The following SHISA9 variants were observed in gnomAD, a reference collection of about 807,000 sequenced individuals.
SHISA9 encodes shisa family member 9.
SHISA9 carries 13 observed loss-of-function variants against 38.0 expected under a neutral mutation model. That is an observed-to-expected ratio of 0.34 (90% CI 0.22 to 0.54). The LOEUF (loss-of-function observed/expected upper bound fraction) is 0.54. Ranked by LOEUF, SHISA9 falls within the 20% of genes least tolerant of loss-of-function variation. The pLI, the probability that SHISA9 is intolerant of heterozygous loss-of-function variation, is 0.91. For synonymous variants in SHISA9, 275 were observed against 242.0 expected, an observed-to-expected ratio of 1.14 and a Z score of -1.27; for missense variants, 538 against 575.8, an observed-to-expected ratio of 0.93 and a Z score of 0.67.
intron 4 of SHISA9, among the ~76,000 whole-genome samples, chr16:13,220,904 C>G (rs2051217576): frequency 6.6e-6 from 1 of 152,110 alleles, no homozygotes; most frequent in African/African-American, 2.4e-5. Flanking sequence ...GCAGCCACAA[C>G]AAAGGGGGCC....
At chr16:13,146,311 AG>A (rs1423846423) in intron 2 of SHISA9, among the ~76,000 whole-genome samples, 1 of 152,248 alleles carries the variant, frequency 6.6e-6, no homozygotes, top group Non-Finnish European at 1.5e-5. Context: ...GGATATGAAA[AG>A]GGCATAATCC....
chr16:13,282,333 T>C, the SHISA9 span, among the ~76,000 whole-genome samples: 1 of 152,058 alleles, frequency 6.6e-6, no homozygotes, highest in Admixed American at 6.6e-5. Context: ...TGTTATTGTT[T>C]CTGGCCTCCC....
the SHISA9 span, among the ~76,000 whole-genome samples, chr16:13,378,396 C>G: frequency 6.6e-6 from 1 of 152,178 alleles, no homozygotes; most frequent in South Asian, 2.1e-4. Flanking sequence ...CCTGGCATTA[C>G]TAGAGTGCCT....
At chr16:13,055,635 G>C (rs989630318) in intron 2 of SHISA9, among the ~76,000 whole-genome samples, 12 of 152,206 alleles carry the variant, frequency 7.9e-5, no homozygotes, top group Non-Finnish European at 1.6e-4. Flanking sequence ...TGAATTACAA[G>C]AGCTGAGCAG....
the SHISA9 span, among the ~76,000 whole-genome samples, chr16:13,293,206 C>T: frequency 6.6e-6 from 1 of 152,076 alleles, no homozygotes; most frequent in Non-Finnish European, 1.5e-5. Flanking sequence ...TGTTTTGAAA[C>T]AATTTATTTG....
chr16:12,966,242 C>T (rs1175199226), intron 2 of SHISA9, among the ~76,000 whole-genome samples: 3 of 152,194 alleles, frequency 2.0e-5, no homozygotes, highest in Non-Finnish European at 2.9e-5. Flanking sequence ...TGATTTTGCT[C>T]ACCTAGGGGA....
At chr16:13,168,930 G>A (rs1447988466) in intron 2 of SHISA9, among the ~76,000 whole-genome samples, 2 of 152,180 alleles carry the variant, frequency 1.3e-5, no homozygotes, top group South Asian at 2.1e-4. Context: ...CATCGTGCCT[G>A]GCAGGAACAC....
intron 2 of SHISA9, among the ~76,000 whole-genome samples, chr16:13,019,829 TTTC>T (rs1465592392): frequency 3.2e-5 from 4 of 126,938 alleles, no homozygotes; most frequent in African/African-American, 1.2e-4. Context: ...TCTTTCTTTC[TTTC>T]TTTTTCCTTC....
chr16:13,065,896 G>A (rs537790943), intron 2 of SHISA9, among the ~76,000 whole-genome samples: 5 of 152,312 alleles, frequency 3.3e-5, no homozygotes, highest in African/African-American at 9.6e-5. Flanking sequence ...TCTTGTATAC[G>A]CATGGTGTAT....
chr16:13,485,532 T>C, the SHISA9 span, among the ~76,000 whole-genome samples: 1 of 152,196 alleles, frequency 6.6e-6, no homozygotes, highest in African/African-American at 2.4e-5. Context: ...AGGGTACTTG[T>C]GATATATTTT....
intron 1 of SHISA9, 178 bp downstream of exon 1, chr16:12,902,805 G>C (rs2071037480): frequency 1.6e-6 from 1 of 644,668 alleles, no homozygotes; most frequent in East Asian, 2.7e-5. Flanking sequence ...GGGGCGCTGG[G>C]CTCAGCACAG....
chr16:12,908,339 G>C, intron 1 of SHISA9: 2 of 1,341,290 alleles, frequency 1.5e-6, no homozygotes, highest in Non-Finnish European at 2.0e-6. Context: ...ATAGGAGGGA[G>C]GGTCTATATG....
the SHISA9 span, among the ~76,000 whole-genome samples, chr16:13,310,775 C>T: frequency 0.014 from 2,061 of 151,416 alleles, 48 homozygotes; most frequent in African/African-American, 0.047. Context: ...CCTCGGCCTC[C>T]CAGGTCCAAG....
At chr16:13,489,942 G>C in the SHISA9 span, among the ~76,000 whole-genome samples, 6 of 152,298 alleles carry the variant, frequency 3.9e-5, no homozygotes, top group Admixed American at 3.3e-4. Flanking sequence ...CATTGCCTGT[G>C]TTGACACTGC....
chr16:13,361,214 CTTTTAT>C, the SHISA9 span, among the ~76,000 whole-genome samples: 11 of 152,108 alleles, frequency 7.2e-5, no homozygotes, highest in Non-Finnish European at 1.6e-4. Flanking sequence ...CTTTCTCTTC[CTTTTAT>C]TTTTAGGGGA....
intron 2 of SHISA9, among the ~76,000 whole-genome samples, chr16:13,054,469 G>A (rs1188131342): frequency 6.6e-6 from 1 of 152,214 alleles, no homozygotes; most frequent in African/African-American, 2.4e-5. Context: ...TAGGAACCAA[G>A]AAGTCTTGAA....
the SHISA9 span, among the ~76,000 whole-genome samples, chr16:13,397,294 G>A: frequency 6.6e-6 from 1 of 152,180 alleles, no homozygotes; most frequent in Non-Finnish European, 1.5e-5. Flanking sequence ...TTGGTGCCCT[G>A]CTGCTGAAAC....
chr16:13,562,682 T>C, the SHISA9 span: 1 of 148,772 alleles, frequency 6.7e-6, no homozygotes, highest in Non-Finnish European at 1.5e-5. Flanking sequence ...CCAATTCAAC[T>C]ACGTGTCTTA....
At chr16:13,088,971 T>C (rs1033557777) in intron 2 of SHISA9, among the ~76,000 whole-genome samples, 1 of 152,200 alleles carries the variant, frequency 6.6e-6, no homozygotes, top group African/African-American at 2.4e-5. Flanking sequence ...TCTTATTATT[T>C]TGAGATACGT....
Sources: gnomAD v4.1 joint callset for allele counts (sites outside exome capture counted in the v4.1 genomes callset) on GRCh38, gnomAD v4.1.1 for gene constraint, MANE v1.5 for transcripts, NCBI Gene and HGNC (gene_info 2026-07-23, HGNC 2026-07-21) for gene names.